The following IFI16 variants were observed in gnomAD, a reference collection of about 807,000 sequenced individuals.
IFI16 encodes gamma-interferon-inducible protein 16.
Under a neutral mutation model 68.4 loss-of-function variants are expected in IFI16, and 49 were observed. The observed-to-expected ratio is 0.72, with a 90% CI of 0.57 to 0.91. IFI16 has a LOEUF of 0.91. IFI16 is among the 40% of genes least tolerant of loss of function. The pLI is 0.00. For missense variants in IFI16, 878 were observed against 942.9 expected (o/e 0.93, Z 0.90); for synonymous variants, 307 against 315.0 (o/e 0.97, Z 0.27).
chr1:159,029,679 G>GTTT (rs61339753), intron 6 of IFI16, among the ~76,000 whole-genome samples: 1 of 131,156 alleles, frequency 7.6e-6, no homozygotes, highest in Non-Finnish European at 1.7e-5. Context: ...GCTTTGTTCA[G>GTTT]TTTTTTTTTT....
At chr1:159,001,559 T>C (rs1490894928), upstream of IFI16, among the ~76,000 whole-genome samples, 1 of 152,166 alleles carries the variant, frequency 6.6e-6, no homozygotes, top group Non-Finnish European at 1.5e-5. Context: ...TTTCAAATAC[T>C]TAAAATGATT....
intron 4 of IFI16, among the ~76,000 whole-genome samples, chr1:159,016,913 T>TTGGGGAAGGGAGAGAGAGCTA (rs1163498175): frequency 2.6e-5 from 4 of 152,218 alleles, no homozygotes; most frequent in Non-Finnish European, 5.9e-5. Context: ...TCTGTGTTGT[T>TTGGGGAAGGGAGAGAGAGCTA]TGGGGAAGGG....
At chr1:159,013,573 C>G (rs1652721343) in intron 1 of IFI16, among the ~76,000 whole-genome samples, 2 of 152,204 alleles carry the variant, frequency 1.3e-5, no homozygotes, top group African/African-American at 4.8e-5. Flanking sequence ...ATACCTTGCA[C>G]TGTCATCATG....
At position 159,016,820 on chromosome 1, in the gene IFI16, G is replaced by A. The variant is rs558314741; in HGVS notation, c.549+120G>A. On this transcript the variant is annotated intron_variant, in intron 4 of 11. Coordinates refer to ENST00000295809, the MANE Select transcript of IFI16 (RefSeq NM_001376587.1). ...CTAGTTAATCCAATGTACATATTGA[G>A]AAACCACTACATTTTGATCTTTTGC... The A allele has an allele frequency of 1.4e-5, 12 of 851,892 alleles. No individual in the cohort carries two copies. In the South Asian group the frequency reaches 1.7e-4, roughly 12 times the overall value. The allele number at this position is 851,892 out of a possible 1,614,324, so 52.8% of individuals were successfully genotyped here.
chr1:159,030,741 G>C (rs1049078523), intron 6 of IFI16, among the ~76,000 whole-genome samples: 7 of 152,260 alleles, frequency 4.6e-5, no homozygotes, highest in African/African-American at 7.2e-5. Flanking sequence ...TTTGTTTATT[G>C]GGATAATTTT....
In IFI16 at chr1:159,014,385, ACT is replaced by A. The variant is rs571254012; in HGVS notation, c.-20-273_-20-272del. On this transcript the variant is annotated intron_variant, in intron 1 of 11. Coordinates refer to ENST00000295809, the MANE Select transcript of IFI16 (RefSeq NM_001376587.1). Reference sequence around the variant, plus strand: ...AGGGCTTTGACACTGCAGAGCTCATACTCTTAACACTGAGGCAATTGCTTGTT... The same window carrying A: ...AGGGCTTTGACACTGCAGAGCTCATACTTAACACTGAGGCAATTGCTTGTT... 3.6e-3 allele frequency among the ~76,000 whole-genome samples: 545 copies of A among 151,006 alleles called. 5 individuals carry two copies. Among genetic ancestry groups the A allele is most frequent in the Middle Eastern group, 0.01 (3 of 292 alleles).
intron 8 of IFI16, among the ~76,000 whole-genome samples, chr1:159,045,674 A>C (rs1467312008): frequency 1.3e-5 from 2 of 151,338 alleles, no homozygotes; most frequent in Non-Finnish European, 3.0e-5. Flanking sequence ...AGGTATAATT[A>C]GATATCTTTT....
At chr1:159,024,939 C>T (rs145197719) in intron 6 of IFI16, among the ~76,000 whole-genome samples, 24 of 151,750 alleles carry the variant, frequency 1.6e-4, no homozygotes, top group African/African-American at 3.1e-4. Flanking sequence ...CTCAGCTGTG[C>T]GGACGGCGGT....
At chr1:159,035,070 A>G (rs1654243243) in intron 7 of IFI16, among the ~76,000 whole-genome samples, 1 of 152,210 alleles carries the variant, frequency 6.6e-6, no homozygotes. Flanking sequence ...CCAAGCCCCA[A>G]GCTGTATTCT....
chr1:159,052,139 C>T, intron 10 of IFI16, 41 bp downstream of exon 10: 1 of 1,514,848 alleles, frequency 6.6e-7, no homozygotes, highest in Non-Finnish European at 8.9e-7. Flanking sequence ...CTCCTGCAAC[C>T]TCCAATTTTT....
intron 6 of IFI16, among the ~76,000 whole-genome samples, chr1:159,031,389 A>T (rs1235621148): frequency 3.3e-5 from 5 of 152,172 alleles, no homozygotes; most frequent in Non-Finnish European, 5.9e-5. Flanking sequence ...TCGAAACTTC[A>T]GCTGGAAGTT....
At position 159,033,676 on chromosome 1, in the gene IFI16, G is replaced by T. The variant is rs183607867; in HGVS notation, c.1329+985G>T. ...ATCCAGTCTTATTTAAACCTAAAAC[G>T]TGAAAAATTAATGATTATATATGGC... is the stretch of plus-strand genomic sequence containing the variant. On this transcript the variant is annotated intron_variant, in intron 7 of 11. Coordinates refer to ENST00000295809, the MANE Select transcript of IFI16 (RefSeq NM_001376587.1). Among the ~76,000 whole-genome samples, 84 of 152,232 alleles carry T rather than the reference G, an allele frequency of 5.5e-4. No homozygotes were observed. The South Asian group carries it at 8.5e-3, about 15-fold the overall frequency.
intron 6 of IFI16, among the ~76,000 whole-genome samples, chr1:159,021,686 A>G (rs1036878228): frequency 3.9e-5 from 6 of 152,180 alleles, no homozygotes; most frequent in Non-Finnish European, 4.4e-5. Context: ...TACACTGTTT[A>G]CTATAGTAGT....
At chr1:159,011,155 G>A (rs1035477207) in intron 1 of IFI16, among the ~76,000 whole-genome samples, 2 of 152,120 alleles carry the variant, frequency 1.3e-5, no homozygotes, top group African/African-American at 4.8e-5. Flanking sequence ...AGACCAAGGC[G>A]AGCGGATCAC....
At chr1:159,002,769 G>T (rs1443955238), upstream of IFI16, among the ~76,000 whole-genome samples, 1 of 152,098 alleles carries the variant, frequency 6.6e-6, no homozygotes, top group Non-Finnish European at 1.5e-5. Flanking sequence ...ATAAACATTT[G>T]TTAAATAAAC....
intron 3 of IFI16, 108 bp from the exon 4 acceptor site, chr1:159,016,425 C>T: frequency 9.4e-7 from 1 of 1,060,788 alleles, no homozygotes; most frequent in Non-Finnish European, 1.3e-6. Flanking sequence ...TCTCAAGTTT[C>T]CAAGAAACAT....
chr1:159,050,023 G>A (rs1426907134), intron 9 of IFI16, among the ~76,000 whole-genome samples: 4 of 152,128 alleles, frequency 2.6e-5, no homozygotes, highest in African/African-American at 4.8e-5. Flanking sequence ...ACTTTTAACT[G>A]TCAGAAATCT....
At chr1:159,033,679 A>G (rs1398527963) in intron 7 of IFI16, among the ~76,000 whole-genome samples, 1 of 152,248 alleles carries the variant, frequency 6.6e-6, no homozygotes, top group East Asian at 1.9e-4. Context: ...CTAAAACGTG[A>G]AAAATTAATG....
At position 159,049,857 on chromosome 1, in the gene IFI16, C is replaced by T. The variant is rs1360691237; in HGVS notation, c.1665+258C>T. 2.6e-5 allele frequency among the ~76,000 whole-genome samples: 4 copies of T among 151,366 alleles called. No individual in the cohort carries two copies. The East Asian group carries it at 7.7e-4, about 29-fold the overall frequency. On this transcript the variant is annotated intron_variant, in intron 9 of 11. Transcript: ENST00000295809. ...TCTTTTGGCTTACGTTTTTGTTTTT[C>T]CCTCAATACATCATGAAAATCATAC... is the stretch of plus-strand genomic sequence containing the variant.
Sources: gnomAD v4.1 joint callset for allele counts (sites outside exome capture counted in the v4.1 genomes callset) on GRCh38, gnomAD v4.1.1 for gene constraint, MANE v1.5 for transcripts, NCBI Gene and HGNC (gene_info 2026-07-23, HGNC 2026-07-21) for gene names.